HOMER1: variants seen among roughly 807,000 people sequenced by gnomAD.
HOMER1 encodes the protein homer protein homolog 1.
In HOMER1, 3 loss-of-function variants were observed where a neutral mutation model predicts 48.9. That is an observed-to-expected ratio of 0.06 (90% confidence interval 0.03 to 0.16). The LOEUF (loss-of-function observed/expected upper bound fraction) is 0.16, where lower values mean the gene tolerates loss of function less well. Ranked by LOEUF, HOMER1 falls within the 10% of genes least tolerant of loss-of-function variation. The pLI is 1.00. For missense variants in HOMER1, 247 were observed against 411.4 expected (o/e 0.60, Z 3.46); for synonymous variants, 134 against 146.4 (o/e 0.92, Z 0.61).
rs1748699722 is a variant in HOMER1 at position 79,374,110 on chromosome 5, C to T, written c.*1899G>A. On this transcript the variant is annotated 3_prime_UTR_variant, in exon 9 of 9. Transcript: ENST00000334082. ...CTCCTATTTAAATTAAAACTTGGTG[C>T]TCTTTGTTACTCAGAAACTGATGGA... 6.6e-6 allele frequency: 1 copy of T among 152,480 alleles called. No homozygotes were observed. Among genetic ancestry groups the T allele is most frequent in the South Asian group, 2.1e-4 (1 of 4,822 alleles). The allele number at this position is 152,480 out of a possible 1,614,324, so 9.4% of individuals were successfully genotyped here. A position where few individuals can be genotyped will look rare whatever the true frequency, so the allele number is the denominator to read the frequency against.
chr5:79,463,714 A>G (rs1751380426), intron 1 of HOMER1, among the ~76,000 whole-genome samples: 1 of 152,204 alleles, frequency 6.6e-6, no homozygotes, highest in Non-Finnish European at 1.5e-5. Context: ...CATTCACTTC[A>G]TAACACCACC....
intron 5 of HOMER1, among the ~76,000 whole-genome samples, chr5:79,408,938 T>G (rs757710610): frequency 7.3e-5 from 11 of 149,904 alleles, no homozygotes; most frequent in Non-Finnish European, 1.3e-4. Context: ...AAAAATTAGC[T>G]GGATGTGGTG....
chr5:79,396,768 G>GA, intron 8 of HOMER1, 55 bp downstream of exon 8: 1 of 1,058,386 alleles, frequency 9.4e-7, no homozygotes. Context: ...AGTGCTATGT[G>GA]AAAAAATGAT....
At chr5:79,455,371 T>TG (rs34853458) in intron 2 of HOMER1, among the ~76,000 whole-genome samples, 2 of 151,970 alleles carry the variant, frequency 1.3e-5, no homozygotes, top group Non-Finnish European at 2.9e-5. Context: ...AATTGAATCA[T>TG]GGGGGGCAGT....
At chr5:79,429,234 T>C (rs1262272925) in intron 5 of HOMER1, among the ~76,000 whole-genome samples, 1 of 152,094 alleles carries the variant, frequency 6.6e-6, no homozygotes, top group East Asian at 1.9e-4. Flanking sequence ...CGCATGCCTA[T>C]AATCCCAGCT....
rs773954505 is a variant in HOMER1, at chr5:79,375,052, A to G, written c.*957T>C. 5.9e-5 allele frequency: 9 copies of G among 152,084 alleles called. No homozygotes were observed. The highest frequency in any genetic ancestry group is 1.2e-4 in the Non-Finnish European group (8 of 67,950). The allele number at this position is 152,084 out of a possible 1,614,324, so 9.4% of individuals were successfully genotyped here. On this transcript the variant is annotated 3_prime_UTR_variant, in exon 9 of 9. Transcript: ENST00000334082. ...AATTATCTATAATAAACAGTTCCCCAATAACCATTATTATTCGTAAATTGA... is the reference window on the plus strand; with the variant it reads ...AATTATCTATAATAAACAGTTCCCCGATAACCATTATTATTCGTAAATTGA...
At chr5:79,407,602 G>A (rs144033822) in intron 5 of HOMER1, among the ~76,000 whole-genome samples, 32 of 152,108 alleles carry the variant, frequency 2.1e-4, no homozygotes, top group East Asian at 3.9e-4. Flanking sequence ...GCATAAAGTC[G>A]GTGAACATGG....
At chr5:79,439,632 G>A (rs1750689670) in intron 4 of HOMER1, among the ~76,000 whole-genome samples, 3 of 152,000 alleles carry the variant, frequency 2.0e-5, no homozygotes, top group South Asian at 4.1e-4. Context: ...TTTGCAACAC[G>A]TTTTATCTGC....
chr5:79,375,898 T>G lies in HOMER1; in HGVS notation c.*111A>C. 3.7e-6 allele frequency: 2 copies of G among 544,660 alleles called. No homozygotes were observed. The highest frequency in any genetic ancestry group is 5.9e-6 in the Non-Finnish European group (2 of 338,860). The allele number at this position is 544,660 out of a possible 1,614,324, so 33.7% of individuals were successfully genotyped here. On this transcript the variant is annotated 3_prime_UTR_variant, in exon 9 of 9. Coordinates refer to ENST00000334082, the MANE Select transcript of HOMER1 (RefSeq NM_004272.5). ...AAAGATCCTCCTCCTGGAGGAGTGA[T>G]ATTCAATTTTTTTTTTTTTTTTTTT... is the stretch of plus-strand genomic sequence containing the variant.
chr5:79,376,962 T>G (rs1037015390), intron 8 of HOMER1, among the ~76,000 whole-genome samples: 1 of 152,170 alleles, frequency 6.6e-6, no homozygotes, highest in African/African-American at 2.4e-5. Flanking sequence ...CTTTTGTTTT[T>G]TTGTTGTTGT....
intron 1 of HOMER1, among the ~76,000 whole-genome samples, chr5:79,508,833 A>G (rs1752850463): frequency 6.6e-6 from 1 of 152,206 alleles, no homozygotes; most frequent in African/African-American, 2.4e-5. Flanking sequence ...CTGTCTGCCC[A>G]ACTTCCAAAG....
At chr5:79,494,699 T>C (rs946897027) in intron 1 of HOMER1, among the ~76,000 whole-genome samples, 15 of 152,200 alleles carry the variant, frequency 9.9e-5, no homozygotes. Context: ...TGAAACTCTA[T>C]CCCTACTAAA....
intron 1 of HOMER1, among the ~76,000 whole-genome samples, chr5:79,472,010 T>G (rs1031950786): frequency 6.6e-6 from 1 of 152,202 alleles, no homozygotes; most frequent in Non-Finnish European, 1.5e-5. Context: ...TTATTTCTTT[T>G]ATTCTCCCCC....
intron 1 of HOMER1, among the ~76,000 whole-genome samples, chr5:79,485,130 G>C (rs1196472266): frequency 1.3e-5 from 2 of 149,900 alleles, no homozygotes; most frequent in Non-Finnish European, 2.9e-5. Flanking sequence ...CTAGTACTGA[G>C]TGAAGGTGTG....
intron 6 of HOMER1, among the ~76,000 whole-genome samples, chr5:79,398,103 T>C (rs1361406521): frequency 6.6e-6 from 1 of 152,138 alleles, no homozygotes; most frequent in African/African-American, 2.4e-5. Context: ...ACTTAAATCA[T>C]TAGATACTGG....
At chr5:79,508,864 G>C (rs934691585) in intron 1 of HOMER1, among the ~76,000 whole-genome samples, 1 of 152,194 alleles carries the variant, frequency 6.6e-6, no homozygotes, top group Non-Finnish European at 1.5e-5. Flanking sequence ...CTAAGGGAAG[G>C]AGCACATTGT....
intron 5 of HOMER1, among the ~76,000 whole-genome samples, chr5:79,425,967 G>A (rs1251230061): frequency 4.6e-5 from 7 of 151,396 alleles, no homozygotes; most frequent in South Asian, 2.1e-4. Context: ...TACAGACACC[G>A]ATGCAGCTAT....
intron 7 of HOMER1, 50 bp downstream of exon 7, chr5:79,397,477 T>A (rs754091208): frequency 1.9e-6 from 2 of 1,069,364 alleles, no homozygotes; most frequent in Admixed American, 3.8e-5. Context: ...ATCTAATACT[T>A]TGTACAAACA....
chr5:79,436,819 TA>T (rs1750596573), intron 5 of HOMER1, among the ~76,000 whole-genome samples: 1 of 152,208 alleles, frequency 6.6e-6, no homozygotes, highest in Non-Finnish European at 1.5e-5. Context: ...TTCAGTCAAG[TA>T]ACTAGTGAAT....
Sources: gnomAD v4.1 joint callset for allele counts (sites outside exome capture counted in the v4.1 genomes callset) on GRCh38, gnomAD v4.1.1 for gene constraint, MANE v1.5 for transcripts, NCBI Gene and HGNC (gene_info 2026-07-23, HGNC 2026-07-21) for gene names.